MACROD2: variants seen among roughly 807,000 people sequenced by gnomAD.
MACROD2 encodes the protein ADP-ribose glycohydrolase MACROD2.
Under a neutral mutation model 70.4 loss-of-function variants are expected in MACROD2, and 36 were observed. That is an observed-to-expected ratio of 0.51 (90% CI 0.39 to 0.68). The LOEUF is 0.68. MACROD2 is among the 30% of genes least tolerant of loss of function. The pLI, the probability that MACROD2 is intolerant of heterozygous loss-of-function variation, is 0.00. For synonymous variants in MACROD2, 172 were observed against 178.8 expected, an observed-to-expected ratio of 0.96 and a Z score of 0.30; for missense variants, 496 against 538.4, an observed-to-expected ratio of 0.92 and a Z score of 0.78.
At chr20:15,217,351 T>C (rs867336032) in intron 5 of MACROD2, among the ~76,000 whole-genome samples, 1 of 152,126 alleles carries the variant, frequency 6.6e-6, no homozygotes, top group Non-Finnish European at 1.5e-5. Flanking sequence ...ATATAATACA[T>C]AATTTATTCC....
At chr20:14,695,974 T>C (rs1439663192) in intron 5 of MACROD2, among the ~76,000 whole-genome samples, 1 of 152,156 alleles carries the variant, frequency 6.6e-6, no homozygotes, top group Non-Finnish European at 1.5e-5. Context: ...GGGAAAGGGC[T>C]CACTATCAGA....
chr20:14,425,803 C>T (rs1195433918), intron 3 of MACROD2, among the ~76,000 whole-genome samples: 1 of 152,150 alleles, frequency 6.6e-6, no homozygotes, highest in African/African-American at 2.4e-5. Flanking sequence ...GTCTCATCTT[C>T]CTGTCTTAGT....
chr20:14,335,373 A>G, intron 3 of MACROD2, among the ~76,000 whole-genome samples: 1 of 152,232 alleles, frequency 6.6e-6, no homozygotes. Context: ...GACAGCCACA[A>G]GATTTCAACC....
At chr20:15,887,461 C>T (rs138055546) in intron 10 of MACROD2, among the ~76,000 whole-genome samples, 1 of 152,246 alleles carries the variant, frequency 6.6e-6, no homozygotes, top group East Asian at 1.9e-4. Flanking sequence ...ACTTATGTCT[C>T]CTTGGTGCTT....
chr20:14,607,049 A>G (rs1275314836), intron 4 of MACROD2, among the ~76,000 whole-genome samples: 1 of 152,146 alleles, frequency 6.6e-6, no homozygotes, highest in Non-Finnish European at 1.5e-5. Context: ...GCATTTTGAG[A>G]TACCATATCT....
chr20:14,393,444 A>C (rs1018486798), intron 3 of MACROD2, among the ~76,000 whole-genome samples: 1 of 151,974 alleles, frequency 6.6e-6, no homozygotes, highest in Non-Finnish European at 1.5e-5. Flanking sequence ...TGTCTTCCTT[A>C]GTGTATTTGT....
chr20:14,581,395 G>T (rs1228477545), intron 4 of MACROD2, among the ~76,000 whole-genome samples: 2 of 152,184 alleles, frequency 1.3e-5, no homozygotes, highest in African/African-American at 4.8e-5. Context: ...AGCGAAGGTT[G>T]ACAACCACTG....
intron 3 of MACROD2, among the ~76,000 whole-genome samples, chr20:14,179,961 G>C (rs368606661): frequency 1.3e-5 from 2 of 152,080 alleles, no homozygotes; most frequent in Non-Finnish European, 2.9e-5. Context: ...CCATTTTAAA[G>C]TGTATAATTC....
chr20:14,233,535 A>T (rs2081838737), intron 3 of MACROD2, among the ~76,000 whole-genome samples: 1 of 151,416 alleles, frequency 6.6e-6, no homozygotes, highest in African/African-American at 2.4e-5. Flanking sequence ...TACTAAAAAA[A>T]AAAAAAATTA....
chr20:14,386,958 A>G (rs752071843), intron 3 of MACROD2, among the ~76,000 whole-genome samples: 1 of 152,154 alleles, frequency 6.6e-6, no homozygotes, highest in Non-Finnish European at 1.5e-5. Flanking sequence ...GAGGCTAGAA[A>G]CCGGAGAACA....
chr20:15,424,432 G>A (rs921822292), intron 6 of MACROD2, among the ~76,000 whole-genome samples: 1 of 152,152 alleles, frequency 6.6e-6, no homozygotes, highest in Non-Finnish European at 1.5e-5. Context: ...AGAGAAAAGA[G>A]TGGGGCCAAG....
chr20:14,393,729 G>A (rs2083551584), intron 3 of MACROD2, among the ~76,000 whole-genome samples: 1 of 152,096 alleles, frequency 6.6e-6, no homozygotes, highest in Admixed American at 6.5e-5. Flanking sequence ...CATATGTGAG[G>A]GGAGTTGTTA....
rs572693068 is a variant in MACROD2 at position 14,037,443 on chromosome 20, C to T, written c.163+35039C>T. ...CCTATTCAGTAATTAGTAAAGGCTT[C>T]TTTCATGCAGTTATAAACAGATACC... On this transcript the variant is annotated intron_variant, in intron 2 of 17. Coordinates refer to ENST00000684519, the MANE Select transcript of MACROD2 (RefSeq NM_001351661.2). 1.8e-4 allele frequency among the ~76,000 whole-genome samples: 27 copies of T among 152,300 alleles called. No homozygotes were observed. In the South Asian group the frequency reaches 5.6e-3, roughly 32 times the overall value.
intron 5 of MACROD2, among the ~76,000 whole-genome samples, chr20:15,006,765 A>G (rs989444565): frequency 9.2e-5 from 14 of 152,074 alleles, no homozygotes; most frequent in African/African-American, 3.4e-4. Flanking sequence ...TTCTTCCTGT[A>G]CAATGTCTGC....
In MACROD2 at chr20:14,178,599, A is replaced by G. The variant is rs527830574; in HGVS notation, c.271+92871A>G. Among the ~76,000 whole-genome samples the G allele has an allele frequency of 2.6e-5, 4 of 152,290 alleles. No homozygotes were observed. In the East Asian group the frequency reaches 7.7e-4, roughly 29 times the overall value. ...GGATTGAGTAGAAATGGGTTGGAATAAAGGAGAATAACAGCAGAGTAGTAT... is the reference window on the plus strand; with the variant it reads ...GGATTGAGTAGAAATGGGTTGGAATGAAGGAGAATAACAGCAGAGTAGTAT... On this transcript the variant is annotated intron_variant, in intron 3 of 17. Coordinates refer to ENST00000684519, the MANE Select transcript of MACROD2 (RefSeq NM_001351661.2).
chr20:15,779,873 G>A (rs1266523165), intron 8 of MACROD2, among the ~76,000 whole-genome samples: 1 of 152,122 alleles, frequency 6.6e-6, no homozygotes, highest in Non-Finnish European at 1.5e-5. Context: ...CTCTAGTTGT[G>A]TTGGAGCCTT....
intron 6 of MACROD2, among the ~76,000 whole-genome samples, chr20:15,308,272 T>C (rs774071134): frequency 7.9e-5 from 12 of 152,170 alleles, no homozygotes; most frequent in Non-Finnish European, 1.5e-4. Context: ...TGAAACATTA[T>C]TTCTGTGTTG....
chr20:15,478,747 T>C (rs1226583573), intron 7 of MACROD2, among the ~76,000 whole-genome samples: 1 of 152,192 alleles, frequency 6.6e-6, no homozygotes, highest in African/African-American at 2.4e-5. Context: ...TTTACAGTGA[T>C]GTCTTCTCTA....
In MACROD2 at chr20:15,933,661, T is replaced by A. The variant is rs564106750; in HGVS notation, c.838+323T>A. On this transcript the variant is annotated intron_variant, in intron 11 of 17. Coordinates refer to ENST00000684519, the MANE Select transcript of MACROD2 (RefSeq NM_001351661.2). ...CTGAGTTAGGTCAAGCTCAAATTAG[T>A]ACATTTAGCTTGAGGGAAAAAATGA... Among the ~76,000 whole-genome samples the A allele has an allele frequency of 2.0e-5, 3 of 152,276 alleles. No individual in the cohort carries two copies. In the South Asian group the frequency reaches 6.2e-4, roughly 32 times the overall value.
Sources: allele counts gnomAD v4.1 joint callset (sites outside exome capture counted in the v4.1 genomes callset), GRCh38; gene constraint gnomAD v4.1.1; transcripts MANE v1.5; gene names NCBI Gene and HGNC (gene_info 2026-07-23, HGNC 2026-07-21).